The following WDR12 variants were observed in gnomAD, a reference collection of about 807,000 sequenced individuals.
The protein encoded by WDR12 is ribosome biogenesis protein WDR12.
Under a neutral mutation model 64.3 loss-of-function variants are expected in WDR12, and 42 were observed. The ratio of observed to expected loss-of-function variants is 0.65; its 90% CI spans 0.51 to 0.84. WDR12 has a LOEUF of 0.84. Among genes scored for constraint, WDR12 ranks in the 40% least tolerant of loss-of-function variants. The probability of loss-of-function intolerance (pLI) is 0.00; values close to 1 mark genes in which losing one functional copy is unlikely to be tolerated. For missense variants in WDR12, 469 were observed against 494.6 expected, an observed-to-expected ratio of 0.95 and a Z score of 0.49; for synonymous variants, 158 against 173.3, an observed-to-expected ratio of 0.91 and a Z score of 0.70.
chr2:202,889,945 A>T (rs1387057215), intron 8 of WDR12, among the ~76,000 whole-genome samples: 1 of 151,952 alleles, frequency 6.6e-6, no homozygotes. Context: ...GCCTGAGCGT[A>T]TTGGCTCAAG....
chr2:202,911,640 C>CT lies in WDR12; in HGVS notation c.-165dup, dbSNP rs1688663760. The stretch of plus-strand genomic sequence containing the variant: ...TGGACTCTGCCTTCTGCCCTCCGGT[C>CT]TCCTCTGCAGAAAGCACGAGGTTGC... On this transcript the variant is annotated 5_prime_UTR_variant, in exon 1 of 13. Transcript: ENST00000261015. The CT allele has an allele frequency of 1.5e-6, 1 of 676,780 alleles. No individual in the cohort carries two copies. Among genetic ancestry groups the CT allele is most frequent in the Non-Finnish European group, 2.7e-6 (1 of 374,980 alleles). 41.9% of individuals were successfully genotyped at this position (676,780 alleles called of 1,614,324 possible).
chr2:202,899,610 C>G lies in WDR12; in HGVS notation c.259G>C (p.Glu87Gln). 6.2e-7 allele frequency: 1 copy of G among 1,614,032 alleles called. No individual in the cohort carries two copies. The highest frequency in any genetic ancestry group is 8.5e-7 in the Non-Finnish European group (1 of 1,179,956). The change falls in exon 4 of 13, where the codon GAG (glutamate) becomes CAG (glutamine). Residue 87 changes from glutamate to glutamine, a missense_variant. Physicochemically the swap from Glu to Gln is conservative, Grantham distance 29 (BLOSUM62 2). Coordinates refer to ENST00000261015, the MANE Select transcript of WDR12 (RefSeq NM_018256.4). ...TCTGGCTGGGGTGCAGTATACTTCT[C>G]CACGTATTCTATTTCCACAACTTCT... Reference protein sequence around the residue: ...SEEVVEIEYVEKYTAPQPEQC... With the variant: ...SEEVVEIEYVQKYTAPQPEQC...
At position 202,874,946 on chromosome 2, in the gene WDR12, G is replaced by A. The variant is rs1687831617; in HGVS notation, c.*5914C>T. 6.6e-6 allele frequency: 1 copy of A among 152,106 alleles called. No homozygotes were observed. The highest frequency in any genetic ancestry group is 1.9e-4 in the East Asian group (1 of 5,196). 9.4% of individuals were successfully genotyped at this position (152,106 alleles called of 1,614,324 possible). On this transcript the variant is annotated 3_prime_UTR_variant, in exon 13 of 13. Transcript: ENST00000261015. ...CCCTGAAACCACTGAACTTCATCTGGTATTAAGTCTCAGCCATGTTATTAC... is the reference window on the plus strand; with the variant it reads ...CCCTGAAACCACTGAACTTCATCTGATATTAAGTCTCAGCCATGTTATTAC...
rs1458260556 is a variant in WDR12 at position 202,877,342 on chromosome 2, A to C, written c.*3518T>G. 6.6e-6 allele frequency: 1 copy of C among 152,122 alleles called. No individual in the cohort carries two copies. The highest frequency in any genetic ancestry group is 1.9e-4 in the East Asian group (1 of 5,196). 9.4% of individuals were successfully genotyped at this position (152,122 alleles called of 1,614,324 possible). ...ACAAAGGCCCCACTATGCCTGGCCA[A>C]GTAATTTCTTAAAACTTTATTTGGG... is the stretch of plus-strand genomic sequence containing the variant. On this transcript the variant is annotated 3_prime_UTR_variant, in exon 13 of 13. Transcript: ENST00000261015.
chr2:202,898,662 C>T (rs1008418887), intron 4 of WDR12, among the ~76,000 whole-genome samples: 1 of 152,194 alleles, frequency 6.6e-6, no homozygotes, highest in Admixed American at 6.5e-5. Flanking sequence ...CAGTCTGCTC[C>T]TTCTAGCCCT....
chr2:202,884,553 C>T lies in WDR12; in HGVS notation c.742-18G>A. The T allele has an allele frequency of 1.9e-6, 3 of 1,597,296 alleles. No homozygotes were observed. The highest frequency in any genetic ancestry group is 2.6e-6 in the Non-Finnish European group (3 of 1,175,588). On this transcript the variant is annotated intron_variant, in intron 8 of 12. Transcript: ENST00000261015. ...ATGGGAGTCTAGAAAGGAAGAACCC[C>T]AAAAGGGGAAAGTGTTTTCATTACA... is the stretch of plus-strand genomic sequence containing the variant.
intron 2 of WDR12, 125 bp downstream of exon 2, chr2:202,907,740 A>G (rs1688484247): frequency 2.8e-6 from 2 of 707,364 alleles, no homozygotes; most frequent in African/African-American, 1.8e-5. Context: ...CCTGTACTTT[A>G]TAACTTACAA....
In WDR12 at chr2:202,880,724, G is replaced by A. The variant is rs372935985; in HGVS notation, c.*136C>T. ...AATACAAAATAAGAAAAAGTGATAC[G>A]TTAGCTGTTATGAAGGGTGAAAACA... is the stretch of plus-strand genomic sequence containing the variant. On this transcript the variant is annotated 3_prime_UTR_variant, in exon 13 of 13. Transcript: ENST00000261015. 15 of 539,894 alleles carry A rather than the reference G, an allele frequency of 2.8e-5. No homozygotes were observed. The highest frequency in any genetic ancestry group is 2.5e-4 in the South Asian group (7 of 28,320). 33.4% of individuals were successfully genotyped at this position (539,894 alleles called of 1,614,324 possible).
At chr2:202,883,440 A>G in intron 11 of WDR12, 169 bp downstream of exon 11, 1 of 829,936 alleles carries the variant, frequency 1.2e-6, no homozygotes, top group East Asian at 3.0e-5. Flanking sequence ...CTGGCCAAAA[A>G]TTTTTTTGAT....
chr2:202,883,821 A>ATT (rs34788166), intron 10 of WDR12, 80 bp from the exon 11 acceptor site: 168,899 of 995,146 alleles, frequency 0.17, 4,357 homozygotes, highest in Non-Finnish European at 0.19. Flanking sequence ...ATTTGTAGAA[A>ATT]TTTTTTTTTT....
intron 11 of WDR12, 199 bp from the exon 12 acceptor site, chr2:202,882,982 A>G: frequency 2.1e-6 from 1 of 483,432 alleles, no homozygotes; most frequent in East Asian, 3.4e-5. Flanking sequence ...ATTTATTATA[A>G]CAAATATATT....
At chr2:202,886,627 C>T (rs1325980704) in intron 8 of WDR12, among the ~76,000 whole-genome samples, 8 of 151,682 alleles carry the variant, frequency 5.3e-5, no homozygotes, top group Non-Finnish European at 7.4e-5. Context: ...ATTAGCCAGG[C>T]GTGGTGGTGC....
chr2:202,899,477 T>C (rs1688311816), intron 4 of WDR12, 54 bp downstream of exon 4: 1 of 1,472,534 alleles, frequency 6.8e-7, no homozygotes, highest in South Asian at 1.2e-5. Flanking sequence ...TTAAAAAGAC[T>C]GAAGGAGGTA....
At chr2:202,909,662 T>C (rs1688529607) in intron 1 of WDR12, among the ~76,000 whole-genome samples, 1 of 152,206 alleles carries the variant, frequency 6.6e-6, no homozygotes, top group Admixed American at 6.5e-5. Context: ...TATAGCTATA[T>C]ATTTATGTAT....
intron 8 of WDR12, among the ~76,000 whole-genome samples, chr2:202,886,244 C>T (rs1306871533): frequency 6.8e-6 from 1 of 147,412 alleles, no homozygotes; most frequent in Non-Finnish European, 1.5e-5. Flanking sequence ...ATCACTTGAG[C>T]TCAGGAGTTC....
At chr2:202,882,960 T>G in intron 11 of WDR12, 177 bp from the exon 12 acceptor site, 2 of 533,728 alleles carry the variant, frequency 3.7e-6, no homozygotes, top group Non-Finnish European at 6.7e-6. Flanking sequence ...GTATCATTGG[T>G]AGACCACAGA....
intron 5 of WDR12, among the ~76,000 whole-genome samples, chr2:202,896,897 G>C (rs1250464372): frequency 6.6e-6 from 1 of 152,090 alleles, no homozygotes; most frequent in Non-Finnish European, 1.5e-5. Flanking sequence ...TGAGGCAGGA[G>C]AATCGCTTGA....
intron 8 of WDR12, among the ~76,000 whole-genome samples, 182 bp from the exon 9 acceptor site, chr2:202,884,717 G>A (rs1163691835): frequency 6.6e-5 from 10 of 152,134 alleles, no homozygotes; most frequent in Non-Finnish European, 1.5e-4. Flanking sequence ...ACAAGACACT[G>A]AGGCTGATAA....
chr2:202,899,782 A>C, intron 3 of WDR12, 145 bp from the exon 4 acceptor site: 1 of 660,826 alleles, frequency 1.5e-6, no homozygotes, highest in Non-Finnish European at 2.5e-6. Flanking sequence ...GCCATTCAAA[A>C]AGTCAAGAAC....
Sources: gnomAD v4.1 joint callset for allele counts (sites outside exome capture counted in the v4.1 genomes callset) on GRCh38, gnomAD v4.1.1 for gene constraint, MANE v1.5 for transcripts, NCBI Gene and HGNC (gene_info 2026-07-23, HGNC 2026-07-21) for gene names.